Variants in KREMEN1 observed in about 807,000 individuals in gnomAD.
The protein encoded by KREMEN1 is kremen protein 1.
In KREMEN1, 30 loss-of-function variants were observed where a neutral mutation model predicts 46.5. That is an observed-to-expected ratio of 0.65 (90% CI 0.48 to 0.88). The LOEUF is 0.88. Ranked by LOEUF, KREMEN1 falls within the 40% of genes least tolerant of loss-of-function variation. The probability of loss-of-function intolerance (pLI) is 0.00; values close to 1 mark genes in which losing one functional copy is unlikely to be tolerated. For synonymous variants in KREMEN1, 214 were observed against 230.6 expected (o/e 0.93, Z 0.65); for missense variants, 533 against 596.9 (o/e 0.89, Z 1.11).
intron 2 of KREMEN1, among the ~76,000 whole-genome samples, chr22:29,095,795 A>G (rs1043887305): frequency 9.2e-5 from 14 of 151,514 alleles, no homozygotes; most frequent in African/African-American, 3.2e-4. Context: ...ACCTTTCTCT[A>G]TCTTGTATCA....
intron 7 of KREMEN1, among the ~76,000 whole-genome samples, chr22:29,139,400 G>A (rs926864117): frequency 1.3e-5 from 2 of 152,128 alleles, no homozygotes; most frequent in African/African-American, 2.4e-5. Context: ...CCAGGAGTTC[G>A]AGACTAGCCT....
chr22:29,146,504 G>A lies in KREMEN1; in HGVS notation c.*4392G>A, dbSNP rs117305895. 9.2e-5 allele frequency: 91 copies of A among 985,532 alleles called. No individual in the cohort carries two copies. The highest frequency in any genetic ancestry group is 1.8e-4 in the Admixed American group (3 of 16,282). The allele number at this position is 985,532 out of a possible 1,614,324, so 61.0% of individuals were successfully genotyped here. ...AAAGACTGGAGGCCCTTCCCCGCCC[G>A]CACGGGAGCTGCCATCGTGGGTCTC... On this transcript the variant is annotated 3_prime_UTR_variant, in exon 9 of 9. Coordinates refer to ENST00000400335, the MANE Select transcript of KREMEN1 (RefSeq NM_001039570.3).
In KREMEN1 at chr22:29,145,660, T is replaced by G. The variant is rs2038846806; in HGVS notation, c.*3548T>G. 1 of 985,508 alleles carries G rather than the reference T, an allele frequency of 1.0e-6. No homozygotes were observed. The highest frequency in any genetic ancestry group is 1.7e-5 in the African/African-American group (1 of 57,352). The allele number at this position is 985,508 out of a possible 1,614,324, so 61.0% of individuals were successfully genotyped here. ...GTTCTTCCCCGTTTGTCCAGTTGCT[T>G]GCAAAGCAGAGAATGAGTAGGAGTG... On this transcript the variant is annotated 3_prime_UTR_variant, in exon 9 of 9. Coordinates refer to ENST00000400335, the MANE Select transcript of KREMEN1 (RefSeq NM_001039570.3).
At chr22:29,109,684 C>A (rs2038113265) in intron 3 of KREMEN1, among the ~76,000 whole-genome samples, 1 of 152,126 alleles carries the variant, frequency 6.6e-6, no homozygotes, top group Non-Finnish European at 1.5e-5. Context: ...ATGCTGAAAG[C>A]CCTAGTTTAG....
In KREMEN1 at chr22:29,144,964, T is replaced by C; in HGVS notation, c.*2852T>C. ...TGGCCCAGCGCCTCTAGGATCAACT[T>C]ACGATCCGTGGAGCAGCCCCGGGAA... On this transcript the variant is annotated 3_prime_UTR_variant, in exon 9 of 9. Coordinates refer to ENST00000400335, the MANE Select transcript of KREMEN1 (RefSeq NM_001039570.3). 1.0e-6 allele frequency: 1 copy of C among 985,504 alleles called. No individual in the cohort carries two copies. The highest frequency in any genetic ancestry group is 1.2e-6 in the Non-Finnish European group (1 of 829,988). The allele number at this position is 985,504 out of a possible 1,614,324, so 61.0% of individuals were successfully genotyped here. A position where few individuals can be genotyped will look rare whatever the true frequency, so the allele number is the denominator to read the frequency against.
Position 29,120,702 on chromosome 22 carries a change from T to C in KREMEN1, c.353-655T>C, listed in dbSNP as rs533771308. ...GGCATATGGGCAGCTGCTAGGAGGT[T>C]GAAAAGGCAAGGAATGGATTCTCCC... is the stretch of plus-strand genomic sequence containing the variant. On this transcript the variant is annotated intron_variant, in intron 3 of 8. Transcript: ENST00000400335. 1.4e-4 allele frequency among the ~76,000 whole-genome samples: 12 copies of C among 85,204 alleles called. No individual in the cohort carries two copies. The East Asian group carries it at 5.4e-3, about 38-fold the overall frequency. 55.9% of individuals were successfully genotyped at this position (85,204 alleles called of 152,430 possible). A position where few individuals can be genotyped will look rare whatever the true frequency, so the allele number is the denominator to read the frequency against.
At chr22:29,156,450 C>T (rs947570980) in intron 9 of KREMEN1, among the ~76,000 whole-genome samples, 7 of 152,238 alleles carry the variant, frequency 4.6e-5, no homozygotes, top group African/African-American at 1.7e-4. Context: ...GCAACCAGGG[C>T]GTCTGATCTT....
intron 5 of KREMEN1, among the ~76,000 whole-genome samples, chr22:29,134,334 T>G (rs1416865783): frequency 6.6e-6 from 1 of 151,938 alleles, no homozygotes; most frequent in African/African-American, 2.4e-5. Flanking sequence ...ATTTTAAAAT[T>G]TTTGTAGAGA....
chr22:29,147,672 G>C (rs2038882405), downstream of KREMEN1, among the ~76,000 whole-genome samples: 1 of 152,190 alleles, frequency 6.6e-6, no homozygotes, highest in African/African-American at 2.4e-5. Flanking sequence ...ATCTGAGCGG[G>C]GTAAGACCGA....
intron 3 of KREMEN1, among the ~76,000 whole-genome samples, chr22:29,118,228 T>C (rs2038274847): frequency 6.6e-6 from 1 of 152,240 alleles, no homozygotes; most frequent in South Asian, 2.1e-4. Context: ...CACAGAAATA[T>C]GCAAAGCGAG....
chr22:29,124,915 A>G (rs543428078), intron 4 of KREMEN1, among the ~76,000 whole-genome samples: 49 of 152,362 alleles, frequency 3.2e-4, no homozygotes, highest in African/African-American at 1.2e-3. Flanking sequence ...AGGGTTAGCT[A>G]TAAAGCACTC....
intron 9 of KREMEN1, among the ~76,000 whole-genome samples, chr22:29,155,491 C>T (rs1294228437): frequency 1.3e-5 from 2 of 151,726 alleles, no homozygotes; most frequent in South Asian, 2.1e-4. Context: ...GCCGTGATCA[C>T]GCCATTGCAC....
At chr22:29,132,743 A>G (rs1820319648) in intron 5 of KREMEN1, among the ~76,000 whole-genome samples, 1 of 152,108 alleles carries the variant, frequency 6.6e-6, no homozygotes, top group South Asian at 2.1e-4. Context: ...AGCTTCTTTC[A>G]GCTATTGTTC....
chr22:29,114,907 A>G (rs2038212972), intron 3 of KREMEN1, among the ~76,000 whole-genome samples: 1 of 152,248 alleles, frequency 6.6e-6, no homozygotes, highest in Non-Finnish European at 1.5e-5. Context: ...AAAATGATTA[A>G]GATAAAATGT....
chr22:29,123,975 G>A (rs919485500), intron 4 of KREMEN1, among the ~76,000 whole-genome samples: 1 of 152,088 alleles, frequency 6.6e-6, no homozygotes, highest in African/African-American at 2.4e-5. Flanking sequence ...TATATTGTTG[G>A]TGCAGATCTA....
chr22:29,152,815 A>C (rs8138092), intron 9 of KREMEN1, among the ~76,000 whole-genome samples: 4 of 152,174 alleles, frequency 2.6e-5, no homozygotes, highest in Non-Finnish European at 4.4e-5. Context: ...GGGGTGCCCC[A>C]TGGGTTCCTG....
intron 5 of KREMEN1, among the ~76,000 whole-genome samples, chr22:29,131,540 ATATATATATATATATATATATG>A (rs1442701216): frequency 6.0e-4 from 35 of 57,858 alleles, no homozygotes; most frequent in South Asian, 6.0e-3. Context: ...ATATATATAT[ATATATATATATATATATATATG>A]TGTGTGTGTG....
intron 8 of KREMEN1, among the ~76,000 whole-genome samples, chr22:29,141,739 C>T (rs762832500): frequency 5.9e-5 from 9 of 152,190 alleles, no homozygotes; most frequent in African/African-American, 1.7e-4. Flanking sequence ...CTGATGCAGA[C>T]GCTGCCCTGC....
At chr22:29,077,384 C>G (rs1032830894) in intron 1 of KREMEN1, among the ~76,000 whole-genome samples, 5 of 152,172 alleles carry the variant, frequency 3.3e-5, no homozygotes, top group African/African-American at 9.7e-5. Flanking sequence ...GAGTCTCACT[C>G]TGTCACCCAA....
Sources: allele counts gnomAD v4.1 joint callset (sites outside exome capture counted in the v4.1 genomes callset), GRCh38; gene constraint gnomAD v4.1.1; transcripts MANE v1.5; gene names NCBI Gene and HGNC (gene_info 2026-07-23, HGNC 2026-07-21).